The following AFDN variants were observed in gnomAD, a reference collection of about 807,000 sequenced individuals.
AFDN encodes afadin.
A neutral mutation model predicts 216.6 loss-of-function variants in AFDN; 68 were observed. That is an observed-to-expected ratio of 0.31 (90% CI 0.26 to 0.38). The LOEUF (loss-of-function observed/expected upper bound fraction) is 0.38. Among genes scored for constraint, AFDN ranks in the 10% least tolerant of loss-of-function variants. AFDN has a pLI of 1.00. For synonymous variants in AFDN, 868 were observed against 853.7 expected (o/e 1.02, Z -0.29); for missense variants, 2,136 against 2,342.0 (o/e 0.91, Z 1.82).
At position 167,946,904 on chromosome 6, in the gene AFDN, A is replaced by G. The variant is rs757050239; in HGVS notation, c.3553+3A>G. ...CCGTTCCAGCCCCAACGTAGCAAGT[A>G]AGAGTGACACTTTTTTGCTTCCTAA... is the stretch of plus-strand genomic sequence containing the variant. On this transcript the variant is annotated splice_donor_region_variant and intron_variant, in intron 27 of 33. Transcript: ENST00000683244. 1.2e-6 allele frequency: 2 copies of G among 1,606,248 alleles called. No homozygotes were observed. Among genetic ancestry groups the G allele is most frequent in the Admixed American group, 1.7e-5 (1 of 57,434 alleles).
intron 21 of AFDN, among the ~76,000 whole-genome samples, chr6:167,920,196 G>A (rs984855654): frequency 3.9e-5 from 6 of 152,088 alleles, no homozygotes; most frequent in Admixed American, 3.9e-4. Flanking sequence ...GGAGTAGGCA[G>A]GGAGAGCCTT....
At chr6:167,926,813 G>A (rs1792600679) in intron 23 of AFDN, among the ~76,000 whole-genome samples, 1 of 152,150 alleles carries the variant, frequency 6.6e-6, no homozygotes, top group Non-Finnish European at 1.5e-5. Context: ...CATGAGTTTG[G>A]TATCTTTTTT....
rs186676573 is a variant in AFDN at position 167,907,350 on chromosome 6, G to A, written c.1769+61G>A. ...TGAAAGTATTCCTAAAAAAGGGTTG[G>A]GATAAAGATTGTTGAATTTATAAAG... On this transcript the variant is annotated intron_variant, in intron 13 of 33. Coordinates refer to ENST00000683244, the MANE Select transcript of AFDN (RefSeq NM_001386888.1). The A allele has an allele frequency of 1.4e-3, 1,839 of 1,325,886 alleles. 3 individuals carry two copies. The highest frequency in any genetic ancestry group is 1.8e-3 in the Non-Finnish European group (1,705 of 922,684). The allele number at this position is 1,325,886 out of a possible 1,614,324, so 82.1% of individuals were successfully genotyped here. A position where few individuals can be genotyped will look rare whatever the true frequency, so the allele number is the denominator to read the frequency against.
chr6:167,859,071 G>GTTTTTTTT lies in AFDN; in HGVS notation c.106-5468_106-5461dup, dbSNP rs933336720. 9.2e-5 allele frequency among the ~76,000 whole-genome samples: 10 copies of GTTTTTTTT among 109,024 alleles called. 1 individual carries two copies. Among genetic ancestry groups the GTTTTTTTT allele is most frequent in the African/African-American group, 1.6e-4 (5 of 30,424 alleles). The allele number at this position is 109,024 out of a possible 152,430, so 71.5% of individuals were successfully genotyped here. A position where few individuals can be genotyped will look rare whatever the true frequency, so the allele number is the denominator to read the frequency against. On this transcript the variant is annotated intron_variant, in intron 1 of 33. Transcript: ENST00000683244. ...GTGAAGAAATTTTATGGCCGTTCTT[G>GTTTTTTTT]TTTTTTTTTTTTTTTTTTTCTTTTT...
chr6:167,851,274 T>G (rs1461049330), intron 1 of AFDN, among the ~76,000 whole-genome samples: 1 of 152,216 alleles, frequency 6.6e-6, no homozygotes, highest in African/African-American at 2.4e-5. Context: ...ACCTTTCTTT[T>G]TTTAACTTTT....
intron 1 of AFDN, among the ~76,000 whole-genome samples, chr6:167,845,111 C>T (rs1027331270): frequency 2.6e-5 from 4 of 152,090 alleles, no homozygotes; most frequent in Non-Finnish European, 5.9e-5. Flanking sequence ...GTCTGCCTGC[C>T]TTGGCCTCCC....
intron 1 of AFDN, among the ~76,000 whole-genome samples, chr6:167,847,255 T>A (rs1781801895): frequency 6.6e-6 from 1 of 151,874 alleles, no homozygotes; most frequent in Non-Finnish European, 1.5e-5. Flanking sequence ...CAATACACAC[T>A]CTTTTCTCCA....
chr6:167,863,732 A>G (rs1783842588), intron 1 of AFDN: 1 of 514,150 alleles, frequency 1.9e-6, no homozygotes, highest in Admixed American at 2.0e-5. Context: ...GTGTCAGCCC[A>G]CATTGCAGTA....
intron 1 of AFDN, among the ~76,000 whole-genome samples, chr6:167,851,543 A>G (rs1028234432): frequency 3.3e-5 from 5 of 152,200 alleles, no homozygotes; most frequent in Non-Finnish European, 5.9e-5. Context: ...AGGAAGTAAT[A>G]TTTATCAAGT....
At chr6:167,966,222 C>G (rs1797547449) in intron 32 of AFDN, 177 bp downstream of exon 32, 2 of 1,532,810 alleles carry the variant, frequency 1.3e-6, no homozygotes, top group African/African-American at 2.7e-5. Context: ...AGGCCAGCCC[C>G]TGCCCCCTCC....
upstream of AFDN, chr6:167,826,750 C>A: frequency 2.7e-6 from 1 of 368,690 alleles, no homozygotes; most frequent in Admixed American, 3.6e-5. Flanking sequence ...GGCCCGCCCT[C>A]CGACACCTCC....
At chr6:167,916,858 A>T (rs1038394951) in intron 19 of AFDN, among the ~76,000 whole-genome samples, 1 of 152,196 alleles carries the variant, frequency 6.6e-6, no homozygotes. Flanking sequence ...CTAATTATAC[A>T]TGCACGTCAT....
chr6:167,932,810 C>T (rs577841796), intron 23 of AFDN: 3 of 151,960 alleles, frequency 2.0e-5, no homozygotes, highest in African/African-American at 4.8e-5. Context: ...TCACTGTGGT[C>T]TTGAAGGAAT....
At chr6:167,896,546 C>T (rs776585008) in intron 9 of AFDN, among the ~76,000 whole-genome samples, 35 of 152,182 alleles carry the variant, frequency 2.3e-4, no homozygotes, top group Non-Finnish European at 4.7e-4. Flanking sequence ...CTTTGATGAG[C>T]TTCATATTGC....
intron 1 of AFDN, among the ~76,000 whole-genome samples, chr6:167,862,878 C>T (rs1783751622): frequency 6.6e-6 from 1 of 152,198 alleles, no homozygotes; most frequent in Non-Finnish European, 1.5e-5. Context: ...AAAACTATGG[C>T]CCTCCTTTAC....
chr6:167,902,262 A>G, intron 11 of AFDN, 55 bp from the exon 12 acceptor site: 3 of 1,280,964 alleles, frequency 2.3e-6, no homozygotes, highest in Non-Finnish European at 2.3e-6. Flanking sequence ...AGAAGAGACT[A>G]TGCCTGTCAT....
intron 32 of AFDN, among the ~76,000 whole-genome samples, chr6:167,966,874 C>T (rs1271676521): frequency 1.3e-5 from 2 of 152,276 alleles, no homozygotes; most frequent in Admixed American, 6.5e-5. Flanking sequence ...CAGGGAAATT[C>T]CTCTCATCCC....
intron 30 of AFDN, chr6:167,952,462 T>C (rs1796103909): frequency 2.0e-6 from 2 of 985,450 alleles, no homozygotes; most frequent in African/African-American, 3.5e-5. Context: ...ATTATCCTTT[T>C]CCTTAACACT....
At chr6:167,897,787 C>T (rs1788467164) in intron 10 of AFDN, among the ~76,000 whole-genome samples, 1 of 151,548 alleles carries the variant, frequency 6.6e-6, no homozygotes, top group Non-Finnish European at 1.5e-5. Context: ...GCTGGGGTTA[C>T]AGGCACGCGC....
Sources: allele counts gnomAD v4.1 joint callset (sites outside exome capture counted in the v4.1 genomes callset), GRCh38; gene constraint gnomAD v4.1.1; transcripts MANE v1.5; gene names NCBI Gene and HGNC (gene_info 2026-07-23, HGNC 2026-07-21).